SEMA3A: variants seen among roughly 807,000 people sequenced by gnomAD.
The protein encoded by SEMA3A is semaphorin-3A.
Under a neutral mutation model 97.9 loss-of-function variants are expected in SEMA3A, and 29 were observed. The observed-to-expected ratio is 0.30, with a 90% CI of 0.22 to 0.40. SEMA3A has a LOEUF of 0.40. Ranked by LOEUF, SEMA3A falls within the 10% of genes least tolerant of loss-of-function variation. SEMA3A has a pLI of 1.00. For synonymous variants in SEMA3A, 321 were observed against 323.7 expected (o/e 0.99, Z 0.09); for missense variants, 763 against 951.3 (o/e 0.80, Z 2.60).
chr7:83,971,236 C>G (rs1788898592), intron 15 of SEMA3A, among the ~76,000 whole-genome samples: 1 of 151,964 alleles, frequency 6.6e-6, no homozygotes, highest in African/African-American at 2.4e-5. Context: ...ACCAGCCTGA[C>G]CAACGTGATG....
intron 2 of SEMA3A, among the ~76,000 whole-genome samples, chr7:84,345,289 C>A (rs150818136): frequency 2.6e-5 from 4 of 152,252 alleles, no homozygotes; most frequent in African/African-American, 9.6e-5. Context: ...GAATCATAAT[C>A]TTTTTGTTGG....
chr7:84,221,410 C>A (rs1303245777), intron 3 of SEMA3A, among the ~76,000 whole-genome samples: 1 of 152,116 alleles, frequency 6.6e-6, no homozygotes, highest in Admixed American at 6.6e-5. Context: ...TCAAGAACTT[C>A]TTTGCATTCA....
intron 6 of SEMA3A, among the ~76,000 whole-genome samples, chr7:84,040,261 T>C (rs1359081720): frequency 6.7e-6 from 1 of 150,110 alleles, no homozygotes; most frequent in Non-Finnish European, 1.5e-5. Flanking sequence ...TCCATTCCAT[T>C]AAAATTCAAT....
At chr7:84,110,827 C>T (rs993021472) in intron 3 of SEMA3A, among the ~76,000 whole-genome samples, 1 of 151,746 alleles carries the variant, frequency 6.6e-6, no homozygotes, top group Non-Finnish European at 1.5e-5. Flanking sequence ...TATGCCCTTC[C>T]GTCAGTCTTC....
chr7:84,081,396 C>T (rs191230693), intron 4 of SEMA3A, among the ~76,000 whole-genome samples: 3,368 of 151,798 alleles, frequency 0.022, 44 homozygotes, highest in Middle Eastern at 0.037. Context: ...ATCAAGACCA[C>T]CCTGGCTAAC....
intron 4 of SEMA3A, among the ~76,000 whole-genome samples, chr7:84,061,445 G>A (rs1793212086): frequency 6.6e-6 from 1 of 152,012 alleles, no homozygotes; most frequent in South Asian, 2.1e-4. Flanking sequence ...GTAAATCTGG[G>A]GACATTTCTG....
intron 1 of SEMA3A, among the ~76,000 whole-genome samples, chr7:84,469,228 A>G (rs1316036749): frequency 6.6e-6 from 1 of 152,104 alleles, no homozygotes; most frequent in Non-Finnish European, 1.5e-5. Context: ...TGTCTTTGGG[A>G]GACCTTCGCT....
chr7:84,032,003 AAACT>A (rs1012594115), intron 6 of SEMA3A, among the ~76,000 whole-genome samples: 3 of 152,198 alleles, frequency 2.0e-5, no homozygotes, highest in Non-Finnish European at 4.4e-5. Flanking sequence ...AATAATCATA[AAACT>A]TACTTTGTCA....
chr7:83,998,458 G>A (rs1435732153), intron 12 of SEMA3A, among the ~76,000 whole-genome samples: 1 of 152,150 alleles, frequency 6.6e-6, no homozygotes, highest in Non-Finnish European at 1.5e-5. Context: ...GAGCTTGCAG[G>A]ACTGGCAGTT....
chr7:83,972,384 A>G (rs185827323), intron 15 of SEMA3A, among the ~76,000 whole-genome samples: 91 of 152,146 alleles, frequency 6.0e-4, no homozygotes, highest in Non-Finnish European at 5.0e-4. Flanking sequence ...GAAGATATCT[A>G]CTGTAATATT....
chr7:84,061,462 C>A (rs1793212640), intron 4 of SEMA3A, among the ~76,000 whole-genome samples: 1 of 152,116 alleles, frequency 6.6e-6, no homozygotes, highest in Non-Finnish European at 1.5e-5. Context: ...TCTGAGCATT[C>A]TTTTAAGAAC....
At chr7:84,037,894 T>G (rs1005488991) in intron 6 of SEMA3A, among the ~76,000 whole-genome samples, 7 of 152,128 alleles carry the variant, frequency 4.6e-5, no homozygotes, top group Non-Finnish European at 8.8e-5. Context: ...TCTTGTCTAA[T>G]TTCTTTAGTC....
chr7:84,429,550 C>CTATATATATATATATATATA (rs1804922369), intron 1 of SEMA3A, among the ~76,000 whole-genome samples: 1 of 58,616 alleles, frequency 1.7e-5, no homozygotes, highest in Admixed American at 2.0e-4. Flanking sequence ...ATATATATAG[C>CTATATATATATATATATATA]GAGAGAGAGA....
chr7:84,458,655 G>A (rs949164735), intron 1 of SEMA3A, among the ~76,000 whole-genome samples: 7 of 151,676 alleles, frequency 4.6e-5, no homozygotes, highest in Non-Finnish European at 7.4e-5. Context: ...TCTCTGCCTC[G>A]TCATCACCAG....
chr7:84,445,493 CAAAAAAAAAAAAAAAAA>C (rs61298477), intron 1 of SEMA3A, among the ~76,000 whole-genome samples: 2 of 27,556 alleles, frequency 7.3e-5, no homozygotes, highest in African/African-American at 2.0e-4. Context: ...GACTCCATCT[CAAAAAAAAAAAAAAAAA>C]AAAAAAAAAA....
chr7:84,339,726 C>T (rs529275464), intron 2 of SEMA3A, among the ~76,000 whole-genome samples: 5 of 152,192 alleles, frequency 3.3e-5, no homozygotes, highest in African/African-American at 1.2e-4. Context: ...GCTTAAATTT[C>T]GTTTTTTCCT....
chr7:84,030,756 CTA>C (rs1791716390), intron 6 of SEMA3A, among the ~76,000 whole-genome samples: 1 of 152,072 alleles, frequency 6.6e-6, no homozygotes, highest in African/African-American at 2.4e-5. Context: ...CCTTTCTTCA[CTA>C]TGTTAAGAAC....
At chr7:84,000,339 AT>A (rs1392366733) in intron 12 of SEMA3A, among the ~76,000 whole-genome samples, 3 of 152,238 alleles carry the variant, frequency 2.0e-5, no homozygotes, top group African/African-American at 7.2e-5. Flanking sequence ...TAGCATACAA[AT>A]TATTATAAAC....
At chr7:84,138,215 T>C (rs1412534884) in intron 1 of SEMA3A, among the ~76,000 whole-genome samples, 2 of 147,908 alleles carry the variant, frequency 1.4e-5, no homozygotes, top group Non-Finnish European at 3.0e-5. Context: ...AAACTATATA[T>C]ATTTTTTTTC....
Sources: allele counts gnomAD v4.1 joint callset (sites outside exome capture counted in the v4.1 genomes callset), GRCh38; gene constraint gnomAD v4.1.1; transcripts MANE v1.5; gene names NCBI Gene and HGNC (gene_info 2026-07-23, HGNC 2026-07-21).